DOK6: variants seen among roughly 807,000 people sequenced by gnomAD.
DOK6 encodes docking protein 6, also known as downstream of tyrosine kinase 6.
In DOK6, 22 loss-of-function variants were observed where a neutral mutation model predicts 44.0. The ratio of observed to expected loss-of-function variants is 0.50; its 90% CI spans 0.36 to 0.71. The LOEUF is 0.71. DOK6 is among the 30% of genes least tolerant of loss of function. DOK6 has a pLI of 0.00. For missense variants in DOK6, 340 were observed against 416.4 expected, an observed-to-expected ratio of 0.82 and a Z score of 1.60; for synonymous variants, 166 against 145.5, an observed-to-expected ratio of 1.14 and a Z score of -1.01.
At chr18:69,501,514 G>T (rs1292292955) in intron 1 of DOK6, among the ~76,000 whole-genome samples, 1 of 152,100 alleles carries the variant, frequency 6.6e-6, no homozygotes, top group Non-Finnish European at 1.5e-5. Context: ...GGAAGAGCAC[G>T]TACTGAGAGT....
chr18:69,676,084 G>A (rs976237302), intron 3 of DOK6, among the ~76,000 whole-genome samples: 14 of 152,204 alleles, frequency 9.2e-5, no homozygotes, highest in Non-Finnish European at 1.5e-4. Flanking sequence ...TCAAGTGAGG[G>A]AACCAGGCCC....
intron 1 of DOK6, among the ~76,000 whole-genome samples, chr18:69,445,433 A>C (rs1236669586): frequency 6.6e-6 from 1 of 152,170 alleles, no homozygotes; most frequent in African/African-American, 2.4e-5. Context: ...ACTTTTCATA[A>C]ACGCCTTTTA....
intron 3 of DOK6, among the ~76,000 whole-genome samples, chr18:69,644,289 C>A (rs1985016461): frequency 6.6e-6 from 1 of 152,194 alleles, no homozygotes. Context: ...ATTAGTTTTT[C>A]TTTTTATGAG....
chr18:69,705,143 C>T (rs1986606729), intron 5 of DOK6: 1 of 152,166 alleles, frequency 6.6e-6, no homozygotes, highest in South Asian at 2.1e-4. Context: ...TCGAACTGGA[C>T]GTTGGGAAAA....
chr18:69,811,723 C>A (rs898341980), intron 7 of DOK6, among the ~76,000 whole-genome samples: 1 of 151,660 alleles, frequency 6.6e-6, no homozygotes, highest in Non-Finnish European at 1.5e-5. Context: ...TTTTGCAAAC[C>A]CTTTGGGTGA....
chr18:69,626,584 A>G (rs1398869719), intron 3 of DOK6, among the ~76,000 whole-genome samples: 2 of 152,244 alleles, frequency 1.3e-5, no homozygotes, highest in African/African-American at 4.8e-5. Context: ...ACAACAAATG[A>G]GTAAAATGTT....
intron 7 of DOK6, among the ~76,000 whole-genome samples, chr18:69,812,552 C>A (rs528379332): frequency 1.3e-4 from 20 of 152,068 alleles, no homozygotes; most frequent in Non-Finnish European, 2.6e-4. Flanking sequence ...CTTACCAGAA[C>A]CTACCTCTTG....
At chr18:69,742,533 T>A (rs1025637983) in intron 6 of DOK6, among the ~76,000 whole-genome samples, 5 of 151,964 alleles carry the variant, frequency 3.3e-5, no homozygotes, top group Non-Finnish European at 7.4e-5. Flanking sequence ...TAATTAGAAG[T>A]GAATGTCTTG....
At chr18:69,812,115 G>A (rs1250727165) in intron 7 of DOK6, among the ~76,000 whole-genome samples, 3 of 152,198 alleles carry the variant, frequency 2.0e-5, no homozygotes, top group Admixed American at 2.0e-4. Context: ...GAGTGCTCAT[G>A]CCATAAAGAC....
chr18:69,586,421 T>G (rs1983501785), intron 2 of DOK6, among the ~76,000 whole-genome samples: 1 of 152,182 alleles, frequency 6.6e-6, no homozygotes, highest in Admixed American at 6.5e-5. Flanking sequence ...GCAGGCCCTC[T>G]GCCGTGCTAC....
At chr18:69,828,900 A>ATATATATAT (rs59036025) in intron 7 of DOK6, among the ~76,000 whole-genome samples, 6 of 127,830 alleles carry the variant, frequency 4.7e-5, no homozygotes, top group South Asian at 2.7e-4. Flanking sequence ...ATATATATAT[A>ATATATATAT]GTATGTATGT....
chr18:69,753,911 TC>T (rs1443429253), intron 6 of DOK6, among the ~76,000 whole-genome samples: 1 of 152,044 alleles, frequency 6.6e-6, no homozygotes, highest in Non-Finnish European at 1.5e-5. Context: ...CATGTATCCA[TC>T]TTGTTTAATT....
chr18:69,422,643 G>A (rs1192449765), intron 1 of DOK6, among the ~76,000 whole-genome samples: 2 of 150,982 alleles, frequency 1.3e-5, no homozygotes, highest in Non-Finnish European at 2.9e-5. Context: ...ACCTTCTGTG[G>A]TCTCTTTCCA....
intron 1 of DOK6, among the ~76,000 whole-genome samples, chr18:69,451,124 TAA>T (rs910023696): frequency 2.0e-5 from 3 of 149,486 alleles, no homozygotes; most frequent in African/African-American, 7.4e-5. Flanking sequence ...GCAAGTCGGA[TAA>T]AGAGTCAAGA....
At chr18:69,718,968 A>G (rs556677518) in intron 5 of DOK6, among the ~76,000 whole-genome samples, 3 of 152,324 alleles carry the variant, frequency 2.0e-5, no homozygotes, top group South Asian at 4.2e-4. Flanking sequence ...ACAGTTTAAT[A>G]TATTCTAGAT....
chr18:69,403,553 C>T (rs1361101775), intron 1 of DOK6, among the ~76,000 whole-genome samples: 1 of 152,178 alleles, frequency 6.6e-6, no homozygotes, highest in African/African-American at 2.4e-5. Context: ...TTTTGTCCTC[C>T]ATTTCTACCT....
rs78841385 is a variant in DOK6, at chr18:69,839,988, C to G, written c.857-1256C>G. ...TATTTTGACATTTAAATGGTTCTAC[C>G]GCTAAGTGGTTAAGTGGTTCCGTTC... On this transcript the variant is annotated intron_variant, in intron 7 of 7. Coordinates refer to ENST00000382713, the MANE Select transcript of DOK6 (RefSeq NM_152721.6). 3.3e-5 allele frequency among the ~76,000 whole-genome samples: 5 copies of G among 152,282 alleles called. No individual in the cohort carries two copies. The South Asian group carries it at 6.2e-4, about 19-fold the overall frequency.
rs1415424480 is a variant in DOK6 at position 69,469,558 on chromosome 18, C to G, written c.66+68248C>G. On this transcript the variant is annotated intron_variant, in intron 1 of 7. Coordinates refer to ENST00000382713, the MANE Select transcript of DOK6 (RefSeq NM_152721.6). The stretch of plus-strand genomic sequence containing the variant: ...GCTCAGGGGAGACTGACGTCATCTA[C>G]TTACTCATCATCTGCCGGAAATCAC... 1.7e-5 allele frequency: 3 copies of G among 175,418 alleles called. No homozygotes were observed. The East Asian group carries it at 5.5e-4, about 32-fold the overall frequency. 10.9% of individuals were successfully genotyped at this position (175,418 alleles called of 1,614,324 possible).
chr18:69,671,928 G>A (rs1261988411), intron 3 of DOK6, among the ~76,000 whole-genome samples: 1 of 152,178 alleles, frequency 6.6e-6, no homozygotes, highest in African/African-American at 2.4e-5. Flanking sequence ...AGTTGACTGG[G>A]AAAGGCAGAA....
Sources: gnomAD v4.1 joint callset for allele counts (sites outside exome capture counted in the v4.1 genomes callset) on GRCh38, gnomAD v4.1.1 for gene constraint, MANE v1.5 for transcripts, NCBI Gene and HGNC (gene_info 2026-07-23, HGNC 2026-07-21) for gene names.